EYS: variants seen among roughly 807,000 people sequenced by gnomAD.
EYS encodes the protein EGF-like photoreceptor maintenance factor.
Under a neutral mutation model 282.1 loss-of-function variants are expected in EYS, and 250 were observed. The ratio of observed to expected loss-of-function variants is 0.89; its 90% CI spans 0.80 to 0.98. The LOEUF (loss-of-function observed/expected upper bound fraction) is 0.98, where lower values mean the gene tolerates loss of function less well. Ranked by LOEUF, EYS falls within the 50% of genes least tolerant of loss-of-function variation. The probability of loss-of-function intolerance (pLI) is 0.00; values close to 1 mark genes in which losing one functional copy is unlikely to be tolerated. For missense variants in EYS, 4,016 were observed against 3,709.0 expected, an observed-to-expected ratio of 1.08 and a Z score of -2.15; for synonymous variants, 1,355 against 1,282.9, an observed-to-expected ratio of 1.06 and a Z score of -1.20.
Position 65,495,468 on chromosome 6 carries a change from A to C in EYS, c.-58T>G, listed in dbSNP as rs576445713. On this transcript the variant is annotated 5_prime_UTR_variant, in exon 4 of 43. Transcript: ENST00000503581. ...AAGAATTGCTGCAAAATGGTGTTTT[A>C]AGTATTACCGGAAATTTCCAAGTAA... 5 of 1,572,332 alleles carry C rather than the reference A, an allele frequency of 3.2e-6. No individual in the cohort carries two copies. In the South Asian group the frequency reaches 5.6e-5, roughly 18 times the overall value.
chr6:64,380,650 T>A (rs1772712275), intron 29 of EYS, among the ~76,000 whole-genome samples: 1 of 152,198 alleles, frequency 6.6e-6, no homozygotes, highest in Admixed American at 6.5e-5. Flanking sequence ...ATTATTGGTA[T>A]GAATCTGGTA....
In EYS at chr6:64,451,684, G is replaced by A. The variant is rs145228118; in HGVS notation, c.5645-12332C>T. Reference sequence around the variant, plus strand: ...CCATGATCAAGCGGGCTTCATCCCCGGGATGCAAGGCTGGTTCAACATACG... The same window carrying A: ...CCATGATCAAGCGGGCTTCATCCCCAGGATGCAAGGCTGGTTCAACATACG... On this transcript the variant is annotated intron_variant, in intron 26 of 42. Transcript: ENST00000503581. Among the ~76,000 whole-genome samples, 298 of 152,254 alleles carry A rather than the reference G, an allele frequency of 2.0e-3. 1 individual carries two copies. The highest frequency in any genetic ancestry group is 6.5e-3 in the African/African-American group (269 of 41,548).
chr6:65,404,517 A>G (rs1766642666), intron 6 of EYS, among the ~76,000 whole-genome samples: 1 of 152,046 alleles, frequency 6.6e-6, no homozygotes, highest in Non-Finnish European at 1.5e-5. Context: ...TTGCCCTTGT[A>G]TCTCCAAATA....
At chr6:64,953,152 C>T (rs1339531158) in intron 14 of EYS, among the ~76,000 whole-genome samples, 2 of 151,734 alleles carry the variant, frequency 1.3e-5, no homozygotes, top group East Asian at 1.9e-4. Context: ...ACTTGGATTG[C>T]TTCCATTTTG....
At chr6:63,755,657 A>G (rs796702326) in intron 41 of EYS, among the ~76,000 whole-genome samples, 30 of 152,204 alleles carry the variant, frequency 2.0e-4, no homozygotes, top group African/African-American at 7.0e-4. Context: ...TTTTTTTCCA[A>G]TGCTGTGAAG....
chr6:63,915,644 T>C (rs1051597230), intron 35 of EYS, among the ~76,000 whole-genome samples: 1 of 152,202 alleles, frequency 6.6e-6, no homozygotes, highest in African/African-American at 2.4e-5. Flanking sequence ...CACCATTCTA[T>C]ATGCCATTAA....
At chr6:64,759,118 G>T (rs1333593460) in intron 22 of EYS, among the ~76,000 whole-genome samples, 2 of 150,494 alleles carry the variant, frequency 1.3e-5, no homozygotes, top group African/African-American at 4.9e-5. Context: ...CAACCTGGGC[G>T]ACAGAGCGAG....
At chr6:63,837,746 G>A (rs1442873399) in intron 36 of EYS, among the ~76,000 whole-genome samples, 1 of 152,082 alleles carries the variant, frequency 6.6e-6, no homozygotes, top group African/African-American at 2.4e-5. Context: ...TTAGGATTTT[G>A]TATCAATATT....
chr6:64,713,541 C>T (rs538050451), intron 22 of EYS, among the ~76,000 whole-genome samples: 7 of 152,138 alleles, frequency 4.6e-5, no homozygotes, highest in Admixed American at 2.0e-4. Context: ...AATTACTCAC[C>T]TAATATAGAC....
intron 26 of EYS, among the ~76,000 whole-genome samples, chr6:64,528,162 T>C (rs1462248654): frequency 6.6e-6 from 1 of 151,908 alleles, no homozygotes; most frequent in Non-Finnish European, 1.5e-5. Context: ...AGTTTGAAAA[T>C]TGATTGCGGT....
At chr6:65,092,708 A>G (rs1009192699) in intron 12 of EYS, among the ~76,000 whole-genome samples, 6 of 152,150 alleles carry the variant, frequency 3.9e-5, no homozygotes, top group African/African-American at 1.4e-4. Context: ...CACGTATCTA[A>G]TTATCTTTCT....
In EYS at chr6:64,789,273, C is replaced by T. The variant is rs566789936; in HGVS notation, c.3443+24105G>A. Among the ~76,000 whole-genome samples the T allele has an allele frequency of 7.2e-5, 11 of 152,268 alleles. No individual in the cohort carries two copies. In the South Asian group the frequency reaches 2.3e-3, roughly 32 times the overall value. On this transcript the variant is annotated intron_variant, in intron 22 of 42. Coordinates refer to ENST00000503581, the MANE Select transcript of EYS (RefSeq NM_001142800.2). ...ACTTTCTAAACTGCTTCGTAATGCA[C>T]ACAAATCACTTGAGACCCTGATTCT...
Position 65,087,054 on chromosome 6 carries a change from C to T in EYS, c.2024-29327G>A, listed in dbSNP as rs569549751. Among the ~76,000 whole-genome samples, 9 of 152,146 alleles carry T rather than the reference C, an allele frequency of 5.9e-5. No individual in the cohort carries two copies. In the South Asian group the frequency reaches 1.9e-3, roughly 32 times the overall value. Reference sequence around the variant, plus strand: ...GCCAGAACAGTCTCAATCTCTTGACCTCATAATCCACCTGCCTTGGCCTCC... The same window carrying T: ...GCCAGAACAGTCTCAATCTCTTGACTTCATAATCCACCTGCCTTGGCCTCC... On this transcript the variant is annotated intron_variant, in intron 12 of 42. Coordinates refer to ENST00000503581, the MANE Select transcript of EYS (RefSeq NM_001142800.2).
At chr6:64,305,429 A>G (rs552055764) in intron 30 of EYS, among the ~76,000 whole-genome samples, 17 of 152,324 alleles carry the variant, frequency 1.1e-4, no homozygotes, top group Middle Eastern at 3.4e-3. Flanking sequence ...AACATACAAA[A>G]CAATCTTGAA....
rs181865893 is a variant in EYS at position 64,896,515 on chromosome 6, G to T, written c.2846+5598C>A. ...AGCAAAAAACTGGGTGGCCGTTTGG[G>T]CAGACATTGAGCTAGCTGCAGGAGT... On this transcript the variant is annotated intron_variant, in intron 18 of 42. Coordinates refer to ENST00000503581, the MANE Select transcript of EYS (RefSeq NM_001142800.2). 2.3e-3 allele frequency among the ~76,000 whole-genome samples: 344 copies of T among 151,752 alleles called. 1 individual carries two copies. Among genetic ancestry groups the T allele is most frequent in the Middle Eastern group, 0.014 (4 of 290 alleles).
At chr6:64,469,494 CAG>C (rs1776039550) in intron 26 of EYS, among the ~76,000 whole-genome samples, 1 of 152,056 alleles carries the variant, frequency 6.6e-6, no homozygotes, top group South Asian at 2.1e-4. Flanking sequence ...CCAGGCCATA[CAG>C]AGATAGGAGC....
intron 22 of EYS, among the ~76,000 whole-genome samples, chr6:64,800,567 C>A (rs958127805): frequency 6.9e-6 from 1 of 145,446 alleles, no homozygotes; most frequent in Non-Finnish European, 1.5e-5. Context: ...CCAAAGGAAG[C>A]TTTTTTTTTT....
intron 19 of EYS, among the ~76,000 whole-genome samples, chr6:64,850,876 C>A (rs1235023483): frequency 6.6e-6 from 1 of 151,886 alleles, no homozygotes; most frequent in Non-Finnish European, 1.5e-5. Context: ...TAGATGACAA[C>A]CAACATAATT....
chr6:65,585,554 A>C lies in EYS; in HGVS notation c.-333+54224T>G, dbSNP rs1582485743. On this transcript the variant is annotated intron_variant, in intron 2 of 42. Coordinates refer to ENST00000503581, the MANE Select transcript of EYS (RefSeq NM_001142800.2). ...TGAAGTGATATAAAAATGTTAAATA[A>C]ATAATACAATGCAATTCAGTATATT... Among the ~76,000 whole-genome samples, 4 of 152,102 alleles carry C rather than the reference A, an allele frequency of 2.6e-5. No homozygotes were observed. In the South Asian group the frequency reaches 8.3e-4, roughly 32 times the overall value.
Sources: allele counts gnomAD v4.1 joint callset (sites outside exome capture counted in the v4.1 genomes callset), GRCh38; gene constraint gnomAD v4.1.1; transcripts MANE v1.5; gene names NCBI Gene and HGNC (gene_info 2026-07-23, HGNC 2026-07-21).